Variants in MYRIP observed in about 807,000 individuals in gnomAD.
MYRIP encodes myosin VIIA and Rab interacting protein, also known as rab effector MyRIP.
A neutral mutation model predicts 98.0 loss-of-function variants in MYRIP; 49 were observed. That is an observed-to-expected ratio of 0.50 (90% CI 0.40 to 0.63). The LOEUF (loss-of-function observed/expected upper bound fraction) is 0.63, where lower values mean the gene tolerates loss of function less well. Ranked by LOEUF, MYRIP falls within the 30% of genes least tolerant of loss-of-function variation. MYRIP has a pLI of 0.00. For synonymous variants in MYRIP, 404 were observed against 409.5 expected, an observed-to-expected ratio of 0.99 and a Z score of 0.16; for missense variants, 1,004 against 1,058.2, an observed-to-expected ratio of 0.95 and a Z score of 0.71.
intron 10 of MYRIP, among the ~76,000 whole-genome samples, chr3:40,205,854 G>C (rs566621541): frequency 6.6e-6 from 1 of 151,730 alleles, no homozygotes; most frequent in East Asian, 1.9e-4. Context: ...TCTAAATTCT[G>C]GTTCCCAACT....
At chr3:40,020,205 A>G (rs552137987) in intron 2 of MYRIP, among the ~76,000 whole-genome samples, 8 of 152,244 alleles carry the variant, frequency 5.3e-5, no homozygotes, top group Admixed American at 2.0e-4. Context: ...GGTGTGCTCA[A>G]TGTTTACCTC....
chr3:40,045,612 A>C (rs1947654661), intron 3 of MYRIP, among the ~76,000 whole-genome samples: 1 of 152,208 alleles, frequency 6.6e-6, no homozygotes, highest in African/African-American at 2.4e-5. Flanking sequence ...CGTGACTTGA[A>C]TATTGTGGCA....
chr3:39,992,560 G>T (rs189975539), intron 2 of MYRIP, among the ~76,000 whole-genome samples: 1 of 152,088 alleles, frequency 6.6e-6, no homozygotes, highest in Non-Finnish European at 1.5e-5. Context: ...ATGTACTACC[G>T]ACCATGATCC....
intron 3 of MYRIP, among the ~76,000 whole-genome samples, chr3:40,103,755 G>A (rs555740724): frequency 1.7e-4 from 26 of 151,760 alleles, no homozygotes; most frequent in Non-Finnish European, 3.7e-4. Flanking sequence ...GCAAAACTCT[G>A]TCTAAAAAAA....
intron 2 of MYRIP, among the ~76,000 whole-genome samples, chr3:40,034,801 T>C (rs1251573671): frequency 6.6e-6 from 1 of 151,850 alleles, no homozygotes; most frequent in South Asian, 2.1e-4. Context: ...CTATTCACAA[T>C]AGCAAAGACT....
At chr3:39,961,659 A>C (rs925125908) in intron 2 of MYRIP, among the ~76,000 whole-genome samples, 37 of 152,208 alleles carry the variant, frequency 2.4e-4, no homozygotes, top group Non-Finnish European at 1.5e-4. Flanking sequence ...TTGGATTTTG[A>C]AATAACCCGT....
intron 3 of MYRIP, among the ~76,000 whole-genome samples, chr3:40,090,760 TC>T (rs1248649769): frequency 6.6e-6 from 1 of 152,224 alleles, no homozygotes; most frequent in Non-Finnish European, 1.5e-5. Flanking sequence ...TTCTGTGCCT[TC>T]CTTTCCTCAA....
intron 2 of MYRIP, among the ~76,000 whole-genome samples, chr3:40,029,696 A>G (rs997820654): frequency 3.9e-5 from 6 of 152,128 alleles, no homozygotes; most frequent in African/African-American, 1.4e-4. Context: ...TATGTATCTG[A>G]TAAGGGACTT....
chr3:39,811,298 G>T (rs555159342), intron 1 of MYRIP, among the ~76,000 whole-genome samples: 2 of 152,012 alleles, frequency 1.3e-5, no homozygotes, highest in South Asian at 4.2e-4. Flanking sequence ...AATAATCCCC[G>T]CCGCCTTTCA....
intron 9 of MYRIP, among the ~76,000 whole-genome samples, chr3:40,185,904 G>A (rs1175317447): frequency 6.6e-6 from 1 of 152,100 alleles, no homozygotes; most frequent in East Asian, 1.9e-4. Flanking sequence ...TTTGGTGCCT[G>A]TATTCATTAA....
At chr3:40,088,049 A>G (rs1199151527) in intron 3 of MYRIP, among the ~76,000 whole-genome samples, 7 of 152,028 alleles carry the variant, frequency 4.6e-5, no homozygotes, top group Non-Finnish European at 8.8e-5. Flanking sequence ...TGTGCAGAAA[A>G]AGGTGGGCAG....
chr3:40,099,227 G>A (rs1403743046), intron 3 of MYRIP, among the ~76,000 whole-genome samples: 2 of 152,130 alleles, frequency 1.3e-5, no homozygotes, highest in Admixed American at 1.3e-4. Flanking sequence ...AAAAAAATGT[G>A]TTTCTTCTTA....
chr3:40,192,963 G>A (rs1250350707), intron 10 of MYRIP, among the ~76,000 whole-genome samples: 1 of 152,210 alleles, frequency 6.6e-6, no homozygotes, highest in Non-Finnish European at 1.5e-5. Flanking sequence ...ATGGTAATGA[G>A]GAAAGTTCAC....
intron 1 of MYRIP, among the ~76,000 whole-genome samples, chr3:39,892,420 C>G (rs536172061): frequency 4.6e-5 from 7 of 152,200 alleles, no homozygotes; most frequent in South Asian, 2.1e-4. Context: ...AAGGCAGAGG[C>G]CTTAGGGGTT....
At chr3:40,204,999 C>G (rs1030371240) in intron 10 of MYRIP, among the ~76,000 whole-genome samples, 1 of 152,174 alleles carries the variant, frequency 6.6e-6, no homozygotes, top group South Asian at 2.1e-4. Context: ...AGGACAGCTA[C>G]TTTATTACAA....
At chr3:39,865,388 C>T (rs952368936) in intron 1 of MYRIP, among the ~76,000 whole-genome samples, 11 of 152,012 alleles carry the variant, frequency 7.2e-5, no homozygotes, top group African/African-American at 1.2e-4. Context: ...AGTAAACAGA[C>T]AACCCACAGA....
intron 2 of MYRIP, among the ~76,000 whole-genome samples, chr3:39,949,227 C>G (rs953299778): frequency 6.6e-6 from 1 of 152,064 alleles, no homozygotes; most frequent in South Asian, 2.1e-4. Context: ...CTTTTCCATG[C>G]CATCATCTAT....
Position 40,077,903 on chromosome 3 carries a change from TC to T in MYRIP, c.332+33635del, listed in dbSNP as rs1948384482. 2.0e-5 allele frequency among the ~76,000 whole-genome samples: 3 copies of T among 150,390 alleles called. No homozygotes were observed. In the South Asian group the frequency reaches 6.3e-4, roughly 31 times the overall value. ...GGCTGCAGGTGGAGCTGCCTGCCAG[TC>T]CCGCGCCCTGCGCCCTGCGCCCGCA... On this transcript the variant is annotated intron_variant, in intron 3 of 16. Transcript: ENST00000302541.
intron 2 of MYRIP, among the ~76,000 whole-genome samples, chr3:39,974,727 A>T (rs949553423): frequency 2.0e-5 from 3 of 152,232 alleles, no homozygotes; most frequent in Non-Finnish European, 4.4e-5. Context: ...CATCCCTGGG[A>T]TGCAAGGCTG....
Sources: allele counts gnomAD v4.1 joint callset (sites outside exome capture counted in the v4.1 genomes callset), GRCh38; gene constraint gnomAD v4.1.1; transcripts MANE v1.5; gene names NCBI Gene and HGNC (gene_info 2026-07-23, HGNC 2026-07-21).